AHCYL1: variants seen among roughly 807,000 people sequenced by gnomAD.
AHCYL1 encodes adenosylhomocysteinase like 1.
A neutral mutation model predicts 79.3 loss-of-function variants in AHCYL1; 20 were observed. The observed-to-expected ratio is 0.25, with a 90% CI of 0.18 to 0.37. The LOEUF is 0.37. Ranked by LOEUF, AHCYL1 falls within the 10% of genes least tolerant of loss-of-function variation. AHCYL1 has a pLI of 1.00. For missense variants in AHCYL1, 330 were observed against 673.6 expected (o/e 0.49, Z 5.65); for synonymous variants, 223 against 242.2 (o/e 0.92, Z 0.74).
rs151242532 is a variant in AHCYL1 at position 110,016,312 on chromosome 1, T to C, written c.783-32T>C. The C allele has an allele frequency of 1.6e-4, 246 of 1,544,424 alleles. 3 individuals carry two copies. In the East Asian group the frequency reaches 4.5e-3, roughly 28 times the overall value. ...TATGTTGTGCCAGCTAACTTGGTTT[T>C]TGTTTGTTTTTGTGACCTCTTCTCT... On this transcript the variant is annotated intron_variant, in intron 7 of 16. Transcript: ENST00000369799.
At chr1:109,999,656 A>G (rs945554216) in intron 1 of AHCYL1, among the ~76,000 whole-genome samples, 3 of 152,218 alleles carry the variant, frequency 2.0e-5, no homozygotes, top group African/African-American at 7.2e-5. Context: ...TGTTAGTTGT[A>G]GTAGTCAGAA....
chr1:109,997,544 C>T (rs1001138709), intron 1 of AHCYL1, among the ~76,000 whole-genome samples: 11 of 152,106 alleles, frequency 7.2e-5, no homozygotes, highest in African/African-American at 2.7e-4. Context: ...AAATAGTACC[C>T]GGGATAAAAA....
chr1:110,011,355 A>C lies in AHCYL1; in HGVS notation c.374A>C (p.Gln125Pro). ...FGRREIEIAE[Q>P]DMSALISLRK... ...CGCCGGGAGATTGAGATTGCAGAGC[A>C]AGGTAAAGAAAGGGAGTGGGTTAGG... is the stretch of plus-strand genomic sequence containing the variant. The change falls in exon 3 of 17, where the codon CAA (glutamine) becomes CCA (proline). Residue 125 changes from glutamine (Q) to proline (P), a missense_variant and splice_region_variant. Gln to Pro is a moderately conservative substitution (Grantham distance 76). Coordinates refer to ENST00000369799, the MANE Select transcript of AHCYL1 (RefSeq NM_006621.7). The C allele has an allele frequency of 6.2e-7, 1 of 1,613,998 alleles. No individual in the cohort carries two copies. Among genetic ancestry groups the C allele is most frequent in the Non-Finnish European group, 8.5e-7 (1 of 1,179,934 alleles).
chr1:110,001,168 A>G (rs1650289880), intron 1 of AHCYL1, among the ~76,000 whole-genome samples: 1 of 152,170 alleles, frequency 6.6e-6, no homozygotes, highest in African/African-American at 2.4e-5. Context: ...AAAATTTGCC[A>G]ATATTTTGCT....
In AHCYL1 at chr1:110,011,124, C is replaced by T. The variant is rs185331475; in HGVS notation, c.233-90C>T. On this transcript the variant is annotated intron_variant, in intron 2 of 16. Transcript: ENST00000369799. The stretch of plus-strand genomic sequence containing the variant: ...GCTCCAATTAAGGGTGTTCCCTTAA[C>T]TTAAATGAAAGTCCCTTGGGGACTG... 8 of 1,500,392 alleles carry T rather than the reference C, an allele frequency of 5.3e-6. No homozygotes were observed. The East Asian group carries it at 1.6e-4, about 30-fold the overall frequency. The allele number at this position is 1,500,392 out of a possible 1,614,324, so 92.9% of individuals were successfully genotyped here. A position where few individuals can be genotyped will look rare whatever the true frequency, so the allele number is the denominator to read the frequency against.
At chr1:110,006,932 G>A (rs1375032378) in intron 1 of AHCYL1, among the ~76,000 whole-genome samples, 1 of 152,170 alleles carries the variant, frequency 6.6e-6, no homozygotes, top group African/African-American at 2.4e-5. Context: ...TTGAGAGATG[G>A]GGAGGTAGGG....
chr1:110,001,262 C>T (rs1650296886), intron 1 of AHCYL1, among the ~76,000 whole-genome samples: 1 of 151,996 alleles, frequency 6.6e-6, no homozygotes, highest in Non-Finnish European at 1.5e-5. Flanking sequence ...TCTCAGCTCA[C>T]TGCAACCTCT....
chr1:109,985,451 G>A, intron 1 of AHCYL1: 1 of 1,143,184 alleles, frequency 8.7e-7, no homozygotes, highest in Non-Finnish European at 1.1e-6. Context: ...TGGATGAAGG[G>A]CCTCGAAGAC....
intron 1 of AHCYL1, among the ~76,000 whole-genome samples, chr1:109,987,014 G>T (rs1649503826): frequency 6.6e-6 from 1 of 152,194 alleles, no homozygotes; most frequent in Non-Finnish European, 1.5e-5. Context: ...AGCAGGCTCT[G>T]CCAGGAATGT....
intron 1 of AHCYL1, 195 bp downstream of exon 1, chr1:109,985,367 C>G (rs935796011): frequency 3.8e-6 from 5 of 1,322,012 alleles, no homozygotes; most frequent in Non-Finnish European, 4.8e-6. Flanking sequence ...TTTCCTTTGT[C>G]CCTCGGCCCA....
chr1:110,018,708 G>C (rs942057091), intron 13 of AHCYL1, 58 bp downstream of exon 13: 9 of 1,446,702 alleles, frequency 6.2e-6, no homozygotes, highest in East Asian at 2.3e-5. Flanking sequence ...AGATCTATGA[G>C]GGGGGAGGGG....
chr1:110,021,803 G>GT lies in AHCYL1; in HGVS notation c.*129dup. On this transcript the variant is annotated 3_prime_UTR_variant, in exon 17 of 17. Transcript: ENST00000369799. ...ATTTTTTTCCTATAATTTCATTCTT[G>GT]TTTTTTCATCTCATTATCCAAGTTC... 1 of 1,105,592 alleles carries GT rather than the reference G, an allele frequency of 9.0e-7. No individual in the cohort carries two copies. Among genetic ancestry groups the GT allele is most frequent in the Non-Finnish European group, 1.3e-6 (1 of 773,358 alleles). The allele number at this position is 1,105,592 out of a possible 1,614,324, so 68.5% of individuals were successfully genotyped here.
chr1:109,998,015 T>C (rs981200886), intron 1 of AHCYL1, among the ~76,000 whole-genome samples: 10 of 152,362 alleles, frequency 6.6e-5, no homozygotes, highest in South Asian at 2.1e-4. Context: ...GTTCCAGTTA[T>C]AACTGCTCTC....
intron 1 of AHCYL1, among the ~76,000 whole-genome samples, chr1:109,991,390 T>C (rs1221721654): frequency 6.6e-6 from 1 of 152,212 alleles, no homozygotes; most frequent in Non-Finnish European, 1.5e-5. Context: ...GCCTGTGTAC[T>C]TAACCTGTGG....
At chr1:110,008,986 A>T in intron 1 of AHCYL1, 48 bp from the exon 2 acceptor site, 1 of 1,442,058 alleles carries the variant, frequency 6.9e-7, no homozygotes, top group African/African-American at 1.4e-5. Context: ...AAAACATTTC[A>T]TGGATTTTCC....
Position 110,009,017 on chromosome 1 carries a change from G to A in AHCYL1, c.121-17G>A, listed in dbSNP as rs748166168. The A allele has an allele frequency of 9.5e-6, 15 of 1,576,776 alleles. No homozygotes were observed. The highest frequency in any genetic ancestry group is 4.5e-5 in the East Asian group (2 of 44,410). On this transcript the variant is annotated splice_polypyrimidine_tract_variant and intron_variant, in intron 1 of 16. Transcript: ENST00000369799. Reference sequence around the variant, plus strand: ...TTTCCTTATAAGTTTTCAACTTTTTGTCTTCCTTTTGTATAGCAAATCCAG... The same window carrying A: ...TTTCCTTATAAGTTTTCAACTTTTTATCTTCCTTTTGTATAGCAAATCCAG...
At chr1:110,005,710 C>T (rs192367557) in intron 1 of AHCYL1, among the ~76,000 whole-genome samples, 6 of 151,710 alleles carry the variant, frequency 4.0e-5, no homozygotes, top group African/African-American at 1.5e-4. Context: ...TATTTAACAT[C>T]TGAGAATATA....
chr1:109,988,811 GTGCCACTAA>G, intron 1 of AHCYL1, among the ~76,000 whole-genome samples: 1 of 152,216 alleles, frequency 6.6e-6, no homozygotes, highest in Admixed American at 6.5e-5. Flanking sequence ...ATGAAGCTAT[GTGCCACTAA>G]TTCATCAAAA....
chr1:109,988,029 T>C (rs1649562721), intron 1 of AHCYL1, among the ~76,000 whole-genome samples: 1 of 152,188 alleles, frequency 6.6e-6, no homozygotes, highest in Admixed American at 6.5e-5. Context: ...ATATATGTGA[T>C]ATAAAAGGAA....
Sources: gnomAD v4.1 joint callset for allele counts (sites outside exome capture counted in the v4.1 genomes callset) on GRCh38, gnomAD v4.1.1 for gene constraint, MANE v1.5 for transcripts, NCBI Gene and HGNC (gene_info 2026-07-23, HGNC 2026-07-21) for gene names.